DHX57: variants seen among roughly 807,000 people sequenced by gnomAD.
DHX57 encodes the protein putative ATP-dependent RNA helicase DHX57.
In DHX57, 105 loss-of-function variants were observed where a neutral mutation model predicts 156.2. The observed-to-expected ratio is 0.67, with a 90% CI of 0.57 to 0.79. The LOEUF is 0.79. Ranked by LOEUF, DHX57 falls within the 30% of genes least tolerant of loss-of-function variation. The pLI, the probability that DHX57 is intolerant of heterozygous loss-of-function variation, is 0.00. For synonymous variants in DHX57, 704 were observed against 595.6 expected (o/e 1.18, Z -2.65); for missense variants, 1,847 against 1,661.9 (o/e 1.11, Z -1.94).
chr2:38,849,921 T>A (rs183073624), intron 9 of DHX57, among the ~76,000 whole-genome samples: 1 of 152,332 alleles, frequency 6.6e-6, no homozygotes, highest in East Asian at 1.9e-4. Flanking sequence ...TCTATTGTCT[T>A]TTTTCTGCTT....
intron 3 of DHX57, 192 bp downstream of exon 3, chr2:38,863,169 G>A: frequency 1.7e-6 from 1 of 585,694 alleles, no homozygotes; most frequent in Non-Finnish European, 2.8e-6. Flanking sequence ...CAATCCCATG[G>A]ATGTTGCAAA....
intron 13 of DHX57, among the ~76,000 whole-genome samples, chr2:38,830,864 TG>T (rs1202743756): frequency 6.6e-6 from 1 of 152,014 alleles, no homozygotes; most frequent in Non-Finnish European, 1.5e-5. Context: ...GAGGCTGAAG[TG>T]GGAAGACTGC....
intron 6 of DHX57, 75 bp from the exon 7 acceptor site, chr2:38,856,536 ACT>A: frequency 6.8e-7 from 1 of 1,480,542 alleles, no homozygotes; most frequent in Non-Finnish European, 8.9e-7. Context: ...ACAGGGTCTC[ACT>A]CTGTTGCCAG....
intron 21 of DHX57, among the ~76,000 whole-genome samples, chr2:38,809,592 GT>G (rs938440588): frequency 3.3e-5 from 5 of 151,158 alleles, no homozygotes; most frequent in Non-Finnish European, 7.4e-5. Context: ...CTCCCAAGTA[GT>G]TGGGACAACA....
At chr2:38,828,271 A>C in intron 14 of DHX57, 69 bp downstream of exon 14, 1 of 1,251,864 alleles carries the variant, frequency 8.0e-7, no homozygotes, top group Non-Finnish European at 1.1e-6. Flanking sequence ...CCAGGGTCTA[A>C]AGAGGGTGAT....
At chr2:38,837,387 G>A (rs925091140) in intron 13 of DHX57, among the ~76,000 whole-genome samples, 2 of 151,914 alleles carry the variant, frequency 1.3e-5, no homozygotes, top group African/African-American at 4.8e-5. Context: ...GAGGCAGGCG[G>A]ATCACCTGAG....
Position 38,861,870 on chromosome 2 carries a change from A to AT in DHX57, c.573-34dup, listed in dbSNP as rs1673243658. Reference sequence around the variant, plus strand: ...GGGCAAAACATGACAAAAATGACACATAAAAAGCAGTATCACACCATTACA... The same window carrying AT: ...GGGCAAAACATGACAAAAATGACACATTAAAAAGCAGTATCACACCATTACA... On this transcript the variant is annotated intron_variant, in intron 4 of 23. Coordinates refer to ENST00000457308, the MANE Select transcript of DHX57 (RefSeq NM_198963.3). 4 of 1,544,450 alleles carry AT rather than the reference A, an allele frequency of 2.6e-6. No individual in the cohort carries two copies. In the East Asian group the frequency reaches 9.0e-5, roughly 35 times the overall value.
intron 12 of DHX57, among the ~76,000 whole-genome samples, chr2:38,841,323 C>G (rs1671982414): frequency 6.6e-6 from 1 of 152,144 alleles, no homozygotes; most frequent in South Asian, 2.1e-4. Flanking sequence ...GATAAGGAAA[C>G]TGAGGCACAG....
Position 38,823,280 on chromosome 2 carries a change from A to G in DHX57, c.3015-11T>C, listed in dbSNP as rs766064807. On this transcript the variant is annotated splice_polypyrimidine_tract_variant and intron_variant, in intron 16 of 23. Coordinates refer to ENST00000457308, the MANE Select transcript of DHX57 (RefSeq NM_198963.3). The stretch of plus-strand genomic sequence containing the variant: ...TCTAAAATTTTAATTCTGAAAAGGA[A>G]ACAAAATAATAATTTGTCAATTTTA... 1.9e-6 allele frequency: 3 copies of G among 1,606,624 alleles called. No individual in the cohort carries two copies. Among genetic ancestry groups the G allele is most frequent in the Non-Finnish European group, 2.6e-6 (3 of 1,174,022 alleles).
At position 38,826,713 on chromosome 2, in the gene DHX57, A is replaced by T. The variant is rs377223613; in HGVS notation, c.2640-24T>A. On this transcript the variant is annotated intron_variant, in intron 14 of 23. Transcript: ENST00000457308. ...ATCTGGAAGGAAATAAAAGCACATG[A>T]AGTATTCTAGCACCTAGCACCGAAA... 785 of 1,611,610 alleles carry T rather than the reference A, an allele frequency of 4.9e-4. 4 individuals carry two copies. The highest frequency in any genetic ancestry group is 2.0e-3 in the South Asian group (178 of 90,852).
chr2:38,860,332 C>T (rs1673130575), intron 5 of DHX57, among the ~76,000 whole-genome samples: 1 of 152,200 alleles, frequency 6.6e-6, no homozygotes, highest in Non-Finnish European at 1.5e-5. Flanking sequence ...GCCTGTAATC[C>T]CAGCTACTCA....
At chr2:38,804,228 C>T (rs977078845) in intron 22 of DHX57, among the ~76,000 whole-genome samples, 3 of 152,280 alleles carry the variant, frequency 2.0e-5, no homozygotes, top group South Asian at 2.1e-4. Context: ...TGGTGGCTCA[C>T]GCCTGTAATC....
intron 16 of DHX57, 134 bp from the exon 17 acceptor site, chr2:38,823,403 T>TA: frequency 1.1e-6 from 1 of 922,294 alleles, no homozygotes; most frequent in Middle Eastern, 3.4e-4. Flanking sequence ...TTTCTACTTC[T>TA]ACCAATAAAC....
chr2:38,868,784 G>C (rs1411500838), intron 1 of DHX57, among the ~76,000 whole-genome samples: 1 of 150,718 alleles, frequency 6.6e-6, no homozygotes, highest in African/African-American at 2.4e-5. Flanking sequence ...TTCTCATTTG[G>C]TTAGGTCTAA....
chr2:38,851,521 G>A (rs1024026038), intron 9 of DHX57, among the ~76,000 whole-genome samples: 1 of 151,910 alleles, frequency 6.6e-6, no homozygotes, highest in Non-Finnish European at 1.5e-5. Flanking sequence ...CTTGTAAACT[G>A]GTATTTGTAA....
At chr2:38,836,331 C>T (rs1237238231) in intron 13 of DHX57, among the ~76,000 whole-genome samples, 2 of 152,178 alleles carry the variant, frequency 1.3e-5, no homozygotes, top group African/African-American at 4.8e-5. Context: ...CCCTCCTCTT[C>T]CTCCTCCTCA....
chr2:38,808,064 C>T (rs1289291597), intron 21 of DHX57, among the ~76,000 whole-genome samples: 2 of 146,376 alleles, frequency 1.4e-5, no homozygotes, highest in East Asian at 4.1e-4. Flanking sequence ...AAGTGATTCT[C>T]CTGCCTCAGC....
intron 11 of DHX57, among the ~76,000 whole-genome samples, chr2:38,846,130 T>G (rs1440772319): frequency 1.3e-5 from 2 of 152,182 alleles, no homozygotes; most frequent in African/African-American, 4.8e-5. Flanking sequence ...CCTCCCAAAG[T>G]GCTGGGATTA....
chr2:38,832,553 T>TA (rs1671440066), intron 13 of DHX57, among the ~76,000 whole-genome samples: 1 of 111,962 alleles, frequency 8.9e-6, no homozygotes, highest in African/African-American at 3.5e-5. Context: ...ATATATATAT[T>TA]TTTTTTTTTA....
Sources: gnomAD v4.1 joint callset for allele counts (sites outside exome capture counted in the v4.1 genomes callset) on GRCh38, gnomAD v4.1.1 for gene constraint, MANE v1.5 for transcripts, NCBI Gene and HGNC (gene_info 2026-07-23, HGNC 2026-07-21) for gene names.